RPL7L1: variants seen among roughly 807,000 people sequenced by gnomAD.
RPL7L1 encodes the protein ribosomal protein L7 like 1, also known as ribosomal protein uL30-like.
In RPL7L1, 20 loss-of-function variants were observed where a neutral mutation model predicts 30.3. That is an observed-to-expected ratio of 0.66 (90% confidence interval 0.46 to 0.96). The LOEUF is 0.96. Among genes scored for constraint, RPL7L1 ranks in the 40% least tolerant of loss-of-function variants. The pLI is 0.00. For missense variants in RPL7L1, 271 were observed against 314.9 expected (o/e 0.86, Z 1.05); for synonymous variants, 107 against 110.1 (o/e 0.97, Z 0.18).
At chr6:42,880,153 G>A (rs533767184) in intron 1 of RPL7L1, among the ~76,000 whole-genome samples, 92 of 152,110 alleles carry the variant, frequency 6.0e-4, no homozygotes, top group Non-Finnish European at 9.6e-4. Context: ...CTGGAGAGGC[G>A]AGGATTGACT....
chr6:42,879,819 G>A lies in RPL7L1; in HGVS notation c.-92G>A. 1 of 1,388,486 alleles carries A rather than the reference G, an allele frequency of 7.2e-7. No homozygotes were observed. The highest frequency in any genetic ancestry group is 1.7e-5 in the Admixed American group (1 of 59,342). 86.0% of individuals were successfully genotyped at this position (1,388,486 alleles called of 1,614,324 possible). On this transcript the variant is annotated 5_prime_UTR_variant, in exon 1 of 6. Transcript: ENST00000493763. ...AAGGGCTCACTGCGGCTAAGTGAACGCTGACTGGTCCTCCAGCGTGAGCTA... is the reference window on the plus strand; with the variant it reads ...AAGGGCTCACTGCGGCTAAGTGAACACTGACTGGTCCTCCAGCGTGAGCTA...
intron 2 of RPL7L1, chr6:42,882,508 G>C (rs1766114787): frequency 6.6e-6 from 1 of 150,724 alleles, no homozygotes. Context: ...CAGGAGAATT[G>C]CTTGAACCCG....
At position 42,889,329 on chromosome 6, in the gene RPL7L1, A is replaced by G. The variant is rs1312381871; in HGVS notation, c.*2865A>G. 6.6e-6 allele frequency: 1 copy of G among 152,012 alleles called. No homozygotes were observed. Among genetic ancestry groups the G allele is most frequent in the Non-Finnish European group, 1.5e-5 (1 of 68,066 alleles). The allele number at this position is 152,012 out of a possible 1,614,324, so 9.4% of individuals were successfully genotyped here. On this transcript the variant is annotated 3_prime_UTR_variant, in exon 6 of 6. Transcript: ENST00000493763. ...GTGGTGCATGCCTGTAATCCCAGCT[A>G]CTTGGGAGGCTGAGGCAAGAGAATT...
rs938557719 is a variant in RPL7L1, at chr6:42,879,815, G to A, written c.-96G>A. 1.5e-6 allele frequency: 2 copies of A among 1,352,682 alleles called. No homozygotes were observed. The highest frequency in any genetic ancestry group is 2.1e-6 in the Non-Finnish European group (2 of 945,854). 83.8% of individuals were successfully genotyped at this position (1,352,682 alleles called of 1,614,324 possible). On this transcript the variant is annotated 5_prime_UTR_variant, in exon 1 of 6. Coordinates refer to ENST00000493763, the MANE Select transcript of RPL7L1 (RefSeq NM_001366481.3). ...CCTCAAGGGCTCACTGCGGCTAAGT[G>A]AACGCTGACTGGTCCTCCAGCGTGA...
rs781748337 is a variant in RPL7L1 at position 42,885,969 on chromosome 6, C to T, written c.450-5C>T. ...GTGAAAACCGTGCTTTATTTTCCTA[C>T]ATAGATTTCCAAATCTGAAGTCTGT... On this transcript the variant is annotated splice_polypyrimidine_tract_variant and splice_region_variant and intron_variant, in intron 4 of 5. Transcript: ENST00000493763. 9.6e-6 allele frequency: 15 copies of T among 1,559,250 alleles called. No homozygotes were observed. The highest frequency in any genetic ancestry group is 2.2e-5 in the South Asian group (2 of 89,930).
At position 42,879,888 on chromosome 6, in the gene RPL7L1, T is replaced by C; in HGVS notation, c.-23T>C. The C allele has an allele frequency of 6.2e-7, 1 of 1,612,858 alleles. No homozygotes were observed. The highest frequency in any genetic ancestry group is 1.3e-5 in the African/African-American group (1 of 75,018). ...TCAAGTAAACAGAGCGTGTGCTGTC[T>C]TCCCCATGTGGTGGGGTTGCGCATG... On this transcript the variant is annotated 5_prime_UTR_variant, in exon 1 of 6. Coordinates refer to ENST00000493763, the MANE Select transcript of RPL7L1 (RefSeq NM_001366481.3).
chr6:42,887,010 A>AAC lies in RPL7L1; in HGVS notation c.*547_*548dup, dbSNP rs1330426622. 1 of 126,412 alleles carries AAC rather than the reference A, an allele frequency of 7.9e-6. No homozygotes were observed. Among genetic ancestry groups the AAC allele is most frequent in the Non-Finnish European group, 1.5e-5 (1 of 67,966 alleles). 7.8% of individuals were successfully genotyped at this position (126,412 alleles called of 1,614,324 possible). A position where few individuals can be genotyped will look rare whatever the true frequency, so the allele number is the denominator to read the frequency against. The stretch of plus-strand genomic sequence containing the variant: ...TCCATCTCGGAAAAAAAAAAAAAAA[A>AAC]ACTATTGCTGCAGTCATTCAGATGG... On this transcript the variant is annotated 3_prime_UTR_variant, in exon 6 of 6. Transcript: ENST00000493763.
intron 4 of RPL7L1, 45 bp downstream of exon 4, chr6:42,884,795 A>C: frequency 6.3e-7 from 1 of 1,586,940 alleles, no homozygotes; most frequent in Non-Finnish European, 8.6e-7. Flanking sequence ...TTTCTATTTG[A>C]GTGTGTCAGG....
In RPL7L1 at chr6:42,879,635, A is replaced by G. The variant is rs1161775154; in HGVS notation, c.-276A>G. 2 of 344,856 alleles carry G rather than the reference A, an allele frequency of 5.8e-6. No homozygotes were observed. The highest frequency in any genetic ancestry group is 1.1e-5 in the Non-Finnish European group (2 of 177,678). 21.4% of individuals were successfully genotyped at this position (344,856 alleles called of 1,614,324 possible). A position where few individuals can be genotyped will look rare whatever the true frequency, so the allele number is the denominator to read the frequency against. The stretch of plus-strand genomic sequence containing the variant: ...GGCGCCGTAGCTAGGAGCGGACGCC[A>G]TAGGTGCATTGTGGGAAGCACTTTG... On this transcript the variant is annotated 5_prime_UTR_variant, in exon 1 of 6. Coordinates refer to ENST00000493763, the MANE Select transcript of RPL7L1 (RefSeq NM_001366481.3).
At chr6:42,880,613 A>G (rs937118702) in intron 1 of RPL7L1, 1 of 346,914 alleles carries the variant, frequency 2.9e-6, no homozygotes, top group African/African-American at 2.2e-5. Context: ...CCCGGGTTCA[A>G]GCGATTCTCC....
At chr6:42,882,449 CG>C (rs1766112893) in intron 2 of RPL7L1, 1 of 151,180 alleles carries the variant, frequency 6.6e-6, no homozygotes, top group South Asian at 2.1e-4. Flanking sequence ...AAAAATTAGA[CG>C]GGCACTGTGG....
At chr6:42,881,628 T>C (rs1766085020) in intron 2 of RPL7L1, 1 of 152,126 alleles carries the variant, frequency 6.6e-6, no homozygotes, top group South Asian at 2.1e-4. Context: ...TGGAGTGCAG[T>C]GGCACAATCT....
intron 2 of RPL7L1, 189 bp from the exon 3 acceptor site, chr6:42,883,262 A>G: frequency 2.3e-6 from 1 of 437,626 alleles, no homozygotes; most frequent in Non-Finnish European, 4.0e-6. Context: ...ATAATTCCCA[A>G]GTTTCCTCAA....
intron 5 of RPL7L1, 77 bp from the exon 6 acceptor site, chr6:42,886,179 G>GT: frequency 1.4e-6 from 2 of 1,436,472 alleles, no homozygotes; most frequent in Non-Finnish European, 2.0e-6. Context: ...GGGGCCCCAA[G>GT]AGTCTGCCAG....
chr6:42,880,828 A>C (rs1766045697), intron 1 of RPL7L1, 33 bp from the exon 2 acceptor site: 1 of 1,286,794 alleles, frequency 7.8e-7, no homozygotes, highest in Non-Finnish European at 1.1e-6. Flanking sequence ...TTCTTTTCTA[A>C]ATGTTATCTC....
In RPL7L1 at chr6:42,883,626, G is replaced by A. The variant is rs182939189; in HGVS notation, c.311+12G>A. 7 of 1,568,990 alleles carry A rather than the reference G, an allele frequency of 4.5e-6. No homozygotes were observed. Among genetic ancestry groups the A allele is most frequent in the African/African-American group, 4.1e-5 (3 of 73,078 alleles). ...GTACGCATCGAAAGGTAAGGAACTG[G>A]TGTCTTTCTAATTGCATGAGGCTGG... On this transcript the variant is annotated intron_variant, in intron 3 of 5. Coordinates refer to ENST00000493763, the MANE Select transcript of RPL7L1 (RefSeq NM_001366481.3).
At position 42,887,814 on chromosome 6, in the gene RPL7L1, A is replaced by T. The variant is rs1277946804; in HGVS notation, c.*1350A>T. ...CCTGAGACTCCTGCAGCAGTCGACC[A>T]AGCCCAAGGACATAATTGAATCTGG... On this transcript the variant is annotated 3_prime_UTR_variant, in exon 6 of 6. Coordinates refer to ENST00000493763, the MANE Select transcript of RPL7L1 (RefSeq NM_001366481.3). 7 of 150,330 alleles carry T rather than the reference A, an allele frequency of 4.7e-5. No homozygotes were observed. The highest frequency in any genetic ancestry group is 1.7e-4 in the African/African-American group (7 of 40,698). 9.3% of individuals were successfully genotyped at this position (150,330 alleles called of 1,614,324 possible).
chr6:42,883,628 G>T lies in RPL7L1; in HGVS notation c.311+14G>T. On this transcript the variant is annotated intron_variant, in intron 3 of 5. Transcript: ENST00000493763. ...ACGCATCGAAAGGTAAGGAACTGGT[G>T]TCTTTCTAATTGCATGAGGCTGGGG... 6.4e-7 allele frequency: 1 copy of T among 1,567,708 alleles called. No individual in the cohort carries two copies. The highest frequency in any genetic ancestry group is 2.3e-5 in the East Asian group (1 of 43,976).
At position 42,879,899 on chromosome 6, in the gene RPL7L1, G is replaced by A; in HGVS notation, c.-12G>A. ...GAGCGTGTGCTGTCTTCCCCATGTG[G>A]TGGGGTTGCGCATGATCAGTAGCTG... is the stretch of plus-strand genomic sequence containing the variant. On this transcript the variant is annotated 5_prime_UTR_variant, in exon 1 of 6. It adds an upstream start codon to the 5' untranslated region. Coordinates refer to ENST00000493763, the MANE Select transcript of RPL7L1 (RefSeq NM_001366481.3). 1 of 1,613,682 alleles carries A rather than the reference G, an allele frequency of 6.2e-7. No individual in the cohort carries two copies. Among genetic ancestry groups the A allele is most frequent in the South Asian group, 1.1e-5 (1 of 91,074 alleles).
Sources: allele counts gnomAD v4.1 joint callset (sites outside exome capture counted in the v4.1 genomes callset), GRCh38; gene constraint gnomAD v4.1.1; transcripts MANE v1.5; gene names NCBI Gene and HGNC (gene_info 2026-07-23, HGNC 2026-07-21).